The following CCBE1 variants were observed in gnomAD, a reference collection of about 807,000 sequenced individuals.
The protein encoded by CCBE1 is collagen and calcium-binding EGF domain-containing protein 1.
A neutral mutation model predicts 50.0 loss-of-function variants in CCBE1; 37 were observed. The ratio of observed to expected loss-of-function variants is 0.74; its 90% CI spans 0.57 to 0.97. The LOEUF (loss-of-function observed/expected upper bound fraction) is 0.97, where lower values mean the gene tolerates loss of function less well. CCBE1 is among the 50% of genes least tolerant of loss of function. CCBE1 has a pLI of 0.00. For synonymous variants in CCBE1, 234 were observed against 203.7 expected (o/e 1.15, Z -1.27); for missense variants, 538 against 523.8 (o/e 1.03, Z -0.26).
At chr18:59,563,561 G>A (rs1418040970) in intron 2 of CCBE1, 1 of 152,172 alleles carries the variant, frequency 6.6e-6, no homozygotes, top group African/African-American at 2.4e-5. Context: ...AGACCCTACA[G>A]GGCAAGGCCC....
intron 2 of CCBE1, among the ~76,000 whole-genome samples, chr18:59,504,990 C>T (rs572436466): frequency 6.6e-6 from 1 of 152,316 alleles, no homozygotes; most frequent in East Asian, 1.9e-4. Context: ...CCTGCCATCA[C>T]ACAAATGCAT....
chr18:59,470,810 G>A (rs599789), intron 3 of CCBE1, among the ~76,000 whole-genome samples: 64,315 of 151,920 alleles, frequency 0.42, 13,857 homozygotes, highest in South Asian at 0.51. Flanking sequence ...AGCGAGTCTG[G>A]CTTTGCTCCA....
chr18:59,515,555 T>C (rs534363090), intron 2 of CCBE1, among the ~76,000 whole-genome samples: 1 of 152,242 alleles, frequency 6.6e-6, no homozygotes. Flanking sequence ...TGAGCAGCAG[T>C]TCACCTGGAT....
At chr18:59,469,121 A>G (rs1419116777) in intron 4 of CCBE1, among the ~76,000 whole-genome samples, 2 of 152,050 alleles carry the variant, frequency 1.3e-5, no homozygotes, top group African/African-American at 4.8e-5. Context: ...TTTTTCCCCA[A>G]CCATCTTCTA....
rs376670135 is a variant in CCBE1 at position 59,565,916 on chromosome 18, C to G, written c.213-85678G>C. Among the ~76,000 whole-genome samples the G allele has an allele frequency of 1.4e-4, 22 of 152,240 alleles. No individual in the cohort carries two copies. The South Asian group carries it at 4.1e-3, about 29-fold the overall frequency. ...TCAGGTGCATCTTCTCAGGCTGTTA[C>G]GTCAGGGCTCCTGAACTCCCCCATC... On this transcript the variant is annotated intron_variant, in intron 2 of 10. Transcript: ENST00000439986.
At chr18:59,473,508 CCT>C (rs1912136072) in intron 3 of CCBE1, among the ~76,000 whole-genome samples, 1 of 152,080 alleles carries the variant, frequency 6.6e-6, no homozygotes, top group Non-Finnish European at 1.5e-5. Flanking sequence ...GAACTTACTC[CCT>C]CTGTGTGGAA....
chr18:59,545,936 C>G (rs1027537205), intron 2 of CCBE1, among the ~76,000 whole-genome samples: 4 of 152,164 alleles, frequency 2.6e-5, no homozygotes, highest in African/African-American at 9.7e-5. Flanking sequence ...AGGTACGTCT[C>G]TTTGTCAGCA....
At chr18:59,666,072 T>G (rs910778583) in intron 2 of CCBE1, 8 of 152,452 alleles carry the variant, frequency 5.2e-5, no homozygotes, top group African/African-American at 1.7e-4. Context: ...TTTAATGGAC[T>G]TACAGTTCCA....
intron 2 of CCBE1, among the ~76,000 whole-genome samples, chr18:59,642,882 G>A (rs1324440495): frequency 1.3e-5 from 2 of 148,184 alleles, no homozygotes; most frequent in Non-Finnish European, 3.0e-5. Flanking sequence ...CTGGGAGGCG[G>A]AGGTTGCAGT....
intron 2 of CCBE1, among the ~76,000 whole-genome samples, chr18:59,501,509 C>G (rs1252849061): frequency 5.3e-5 from 8 of 152,242 alleles, no homozygotes; most frequent in Admixed American, 5.2e-4. Context: ...AAGTCTTTAT[C>G]TGTTGAACTA....
At chr18:59,507,218 C>T (rs1475496793) in intron 2 of CCBE1, among the ~76,000 whole-genome samples, 1 of 152,228 alleles carries the variant, frequency 6.6e-6, no homozygotes, top group Non-Finnish European at 1.5e-5. Context: ...CCTAAACCAT[C>T]CAGGATTCAG....
intron 2 of CCBE1, among the ~76,000 whole-genome samples, chr18:59,626,627 A>T (rs1172005667): frequency 6.6e-6 from 1 of 152,268 alleles, no homozygotes; most frequent in Non-Finnish European, 1.5e-5. Context: ...TTACAGAGGA[A>T]GCAATTGAGG....
chr18:59,623,282 C>T (rs1336584753), intron 2 of CCBE1, among the ~76,000 whole-genome samples: 3 of 152,198 alleles, frequency 2.0e-5, no homozygotes, highest in Non-Finnish European at 4.4e-5. Flanking sequence ...TTAACCGCTG[C>T]CATTCTGTGT....
At chr18:59,541,176 A>G (rs1915451431) in intron 2 of CCBE1, among the ~76,000 whole-genome samples, 1 of 152,212 alleles carries the variant, frequency 6.6e-6, no homozygotes, top group Admixed American at 6.5e-5. Flanking sequence ...TTCATTGTTT[A>G]GTAGGATGAT....
intron 2 of CCBE1, among the ~76,000 whole-genome samples, chr18:59,694,162 A>T (rs2255488): frequency 2.0e-5 from 3 of 151,712 alleles, no homozygotes; most frequent in Non-Finnish European, 4.4e-5. Flanking sequence ...GAGCCACCGC[A>T]CCCGGCCTAG....
At chr18:59,616,832 G>A (rs1050035188) in intron 2 of CCBE1, among the ~76,000 whole-genome samples, 11 of 152,150 alleles carry the variant, frequency 7.2e-5, no homozygotes, top group Admixed American at 3.9e-4. Context: ...CTGTTCGGAC[G>A]GAAGCCTTTC....
intron 7 of CCBE1, among the ~76,000 whole-genome samples, chr18:59,442,822 C>T (rs1325093016): frequency 6.6e-6 from 1 of 152,188 alleles, no homozygotes; most frequent in African/African-American, 2.4e-5. Flanking sequence ...ACAAAAACCA[C>T]AATTCCATCA....
chr18:59,687,567 T>C (rs1437990782), intron 2 of CCBE1, among the ~76,000 whole-genome samples: 1 of 152,236 alleles, frequency 6.6e-6, no homozygotes, highest in Non-Finnish European at 1.5e-5. Context: ...TCTCTCCTTC[T>C]CCACTACTGT....
In CCBE1 at chr18:59,499,826, C is replaced by T. The variant is rs146083273; in HGVS notation, c.213-19588G>A. ...ACAGTGGGCAGACTTTGAGATCTCTCCAGGGCCTAAAGCCTGTTTGTGTGT... is the reference window on the plus strand; with the variant it reads ...ACAGTGGGCAGACTTTGAGATCTCTTCAGGGCCTAAAGCCTGTTTGTGTGT... On this transcript the variant is annotated intron_variant, in intron 2 of 10. Transcript: ENST00000439986. 3.7e-4 allele frequency among the ~76,000 whole-genome samples: 57 copies of T among 152,212 alleles called. No homozygotes were observed. In the East Asian group the frequency reaches 0.011, roughly 28 times the overall value.
Sources: gnomAD v4.1 joint callset for allele counts (sites outside exome capture counted in the v4.1 genomes callset) on GRCh38, gnomAD v4.1.1 for gene constraint, MANE v1.5 for transcripts, NCBI Gene and HGNC (gene_info 2026-07-23, HGNC 2026-07-21) for gene names.